Variants in GIPC1 observed in about 807,000 individuals in gnomAD.
GIPC1 encodes the protein GIPC PDZ domain containing family member 1.
Under a neutral mutation model 28.5 loss-of-function variants are expected in GIPC1, and 15 were observed. That is an observed-to-expected ratio of 0.53 (90% CI 0.35 to 0.81). GIPC1 has a LOEUF of 0.81. GIPC1 is among the 30% of genes least tolerant of loss of function. The probability of loss-of-function intolerance (pLI) is 0.01; values close to 1 mark genes in which losing one functional copy is unlikely to be tolerated. For missense variants in GIPC1, 439 were observed against 481.9 expected (o/e 0.91, Z 0.83); for synonymous variants, 224 against 206.1 (o/e 1.09, Z -0.74).
chr19:14,490,930 A>C (rs2071958092), intron 3 of GIPC1, among the ~76,000 whole-genome samples: 1 of 146,430 alleles, frequency 6.8e-6, no homozygotes, highest in African/African-American at 2.5e-5. Context: ...AGCCGAGATC[A>C]TGCCACTGCA....
chr19:14,495,660 C>G (rs1015788680), intron 1 of GIPC1, among the ~76,000 whole-genome samples: 8 of 152,138 alleles, frequency 5.3e-5, no homozygotes, highest in Non-Finnish European at 5.9e-5. Context: ...CTGCGTCCCC[C>G]CCAAGGCCCT....
intron 3 of GIPC1, chr19:14,489,346 C>A (rs560136681): frequency 2.6e-6 from 2 of 779,206 alleles, no homozygotes; most frequent in Admixed American, 3.4e-5. Flanking sequence ...GGAAGCCGTG[C>A]GTTCTGTTCC....
intron 6 of GIPC1, chr19:14,479,845 T>A (rs1262519139): frequency 5.4e-6 from 2 of 368,206 alleles, no homozygotes; most frequent in Non-Finnish European, 4.9e-6. Flanking sequence ...GCTGCCTGAG[T>A]CCGTCTCCTC....
intron 2 of GIPC1, 71 bp downstream of exon 2, chr19:14,492,786 G>A (rs1338521553): frequency 6.6e-6 from 1 of 152,214 alleles, no homozygotes; most frequent in Non-Finnish European, 1.5e-5. Flanking sequence ...AAGTGAGTGA[G>A]TAATGAATCT....
intron 3 of GIPC1, chr19:14,489,534 G>A (rs774070059): frequency 2.0e-5 from 18 of 896,690 alleles, no homozygotes; most frequent in South Asian, 1.0e-4. Context: ...TGGAGATGGC[G>A]ACTAGTGGAC....
At chr19:14,479,162 G>C (rs939852875) in intron 7 of GIPC1, among the ~76,000 whole-genome samples, 2 of 152,148 alleles carry the variant, frequency 1.3e-5, no homozygotes, top group African/African-American at 2.4e-5. Flanking sequence ...TCCTGGCCTG[G>C]CCAACATGGT....
chr19:14,482,580 G>T lies in GIPC1; in HGVS notation c.288+109C>A, dbSNP rs954835892. The T allele has an allele frequency of 2.2e-5, 24 of 1,115,322 alleles. No homozygotes were observed. In the African/African-American group the frequency reaches 3.4e-4, roughly 16 times the overall value. The allele number at this position is 1,115,322 out of a possible 1,614,324, so 69.1% of individuals were successfully genotyped here. ...GCCCCCACCACTGAGTGGGGCCCAG[G>T]CTCAGCATCTGCAGCTTCAGCATCT... On this transcript the variant is annotated intron_variant, in intron 4 of 8. Transcript: ENST00000393033.
chr19:14,492,671 A>C (rs933813784), intron 2 of GIPC1, among the ~76,000 whole-genome samples, 186 bp downstream of exon 2: 5 of 151,762 alleles, frequency 3.3e-5, no homozygotes, highest in Admixed American at 2.0e-4. Context: ...CATCCTGACC[A>C]CCAATTCCCA....
At chr19:14,485,720 G>C (rs866505416) in intron 3 of GIPC1, among the ~76,000 whole-genome samples, 96 of 120,424 alleles carry the variant, frequency 8.0e-4, no homozygotes, top group Non-Finnish European at 1.4e-3. Context: ...GAGAGAGAGA[G>C]AGAGAGAGAG....
intron 3 of GIPC1, chr19:14,483,224 G>C: frequency 2.1e-6 from 1 of 479,824 alleles, no homozygotes; most frequent in Non-Finnish European, 3.7e-6. Context: ...GGAAGGCTGA[G>C]GTGGGCGGAT....
chr19:14,481,965 GGA>G (rs2071739196), intron 4 of GIPC1: 1 of 152,720 alleles, frequency 6.5e-6, no homozygotes, highest in African/African-American at 2.4e-5. Context: ...AAGGCATCAC[GGA>G]GAAGTGCATC....
intron 2 of GIPC1, among the ~76,000 whole-genome samples, chr19:14,492,247 AACAGTCCTG>A (rs2071989516): frequency 6.6e-6 from 1 of 152,072 alleles, no homozygotes; most frequent in African/African-American, 2.4e-5. Context: ...ATGTGCTTGG[AACAGTCCTG>A]GCACACAATA....
At chr19:14,485,601 G>C (rs1244237139) in intron 3 of GIPC1, among the ~76,000 whole-genome samples, 1 of 150,630 alleles carries the variant, frequency 6.6e-6, no homozygotes, top group Non-Finnish European at 1.5e-5. Flanking sequence ...GCAGTGAGCA[G>C]AGATCGTGCC....
intron 6 of GIPC1, chr19:14,479,839 C>T (rs953910206): frequency 2.7e-6 from 1 of 377,228 alleles, no homozygotes; most frequent in African/African-American, 2.1e-5. Context: ...TCTCCAGCTG[C>T]CTGAGTCCGT....
At position 14,480,674 on chromosome 19, in the gene GIPC1, G is replaced by A. The variant is rs2071709409; in HGVS notation, c.393C>T (p.Arg131=). The part of the protein sequence containing the change: ...DFIFAHVKGQ[R]KEVEVFKSED... ...CCGACTTGAACACCTCCACCTCCTT[G>A]CGCTGCCCCTTCACGTGGGCGAAGA... is the stretch of plus-strand genomic sequence containing the variant. Residue 131 remains arginine, a synonymous_variant, in exon 5 of 9, where the codon CGC becomes CGT. Transcript: ENST00000393033. The A allele has an allele frequency of 6.2e-7, 1 of 1,614,160 alleles. No individual in the cohort carries two copies. Among genetic ancestry groups the A allele is most frequent in the Non-Finnish European group, 8.5e-7 (1 of 1,180,008 alleles).
chr19:14,484,239 G>A (rs551813585), intron 3 of GIPC1, among the ~76,000 whole-genome samples: 1 of 150,556 alleles, frequency 6.6e-6, no homozygotes, highest in East Asian at 2.0e-4. Flanking sequence ...GGGTACAAGC[G>A]ATTCTCTTGT....
chr19:14,478,296 A>G lies in GIPC1; in HGVS notation c.*120T>C. ...GGGCCTGGCCCCACCTCCCCTCACC[A>G]TCGTCCTTGGGCTGCTGAGCTAGGC... is the stretch of plus-strand genomic sequence containing the variant. On this transcript the variant is annotated 3_prime_UTR_variant, in exon 9 of 9. Coordinates refer to ENST00000393033, the MANE Select transcript of GIPC1 (RefSeq NM_005716.4). The surrounding 1 kb of genome is among the most constrained non-coding windows in gnomAD (Gnocchi z 5.2). The G allele has an allele frequency of 9.6e-7, 1 of 1,044,532 alleles. No homozygotes were observed. The highest frequency in any genetic ancestry group is 2.6e-5 in the East Asian group (1 of 38,118). The allele number at this position is 1,044,532 out of a possible 1,614,324, so 64.7% of individuals were successfully genotyped here. A position where few individuals can be genotyped will look rare whatever the true frequency, so the allele number is the denominator to read the frequency against.
Position 14,478,181 on chromosome 19 carries a change from A to T in GIPC1, c.*235T>A. The T allele has an allele frequency of 2.1e-6, 1 of 482,882 alleles. No homozygotes were observed. The highest frequency in any genetic ancestry group is 3.7e-6 in the Non-Finnish European group (1 of 270,630). 29.9% of individuals were successfully genotyped at this position (482,882 alleles called of 1,614,324 possible). The stretch of plus-strand genomic sequence containing the variant: ...CCCCTCCCTGTGCCTGACCCAGCTG[A>T]GGTAGGTGGGGAACAGGGCACAGGG... On this transcript the variant is annotated 3_prime_UTR_variant, in exon 9 of 9. Transcript: ENST00000393033. The surrounding 1 kb of genome is among the most constrained non-coding windows in gnomAD (Gnocchi z 5.2).
In GIPC1 at chr19:14,489,445, A is replaced by G. The variant is rs558518631; in HGVS notation, c.-31+2211T>C. On this transcript the variant is annotated intron_variant, in intron 3 of 8. Transcript: ENST00000393033. ...ATTTACGGACAAGAAGTTTTCATTG[A>G]AATTAAATGGTGGCAGACATGTCCA... is the stretch of plus-strand genomic sequence containing the variant. 2.0e-5 allele frequency: 18 copies of G among 920,010 alleles called. No individual in the cohort carries two copies. In the South Asian group the frequency reaches 2.1e-4, roughly 11 times the overall value. The allele number at this position is 920,010 out of a possible 1,614,324, so 57.0% of individuals were successfully genotyped here.
Sources: allele counts gnomAD v4.1 joint callset (sites outside exome capture counted in the v4.1 genomes callset), GRCh38; gene constraint gnomAD v4.1.1; non-coding constraint Gnocchi (gnomAD v3.1); transcripts MANE v1.5; gene names NCBI Gene and HGNC (gene_info 2026-07-23, HGNC 2026-07-21).